The following ASTN1 variants were observed in gnomAD, a reference collection of about 807,000 sequenced individuals.
The protein encoded by ASTN1 is astrotactin-1.
A neutral mutation model predicts 140.7 loss-of-function variants in ASTN1; 41 were observed. The ratio of observed to expected loss-of-function variants is 0.29; its 90% CI spans 0.23 to 0.38. ASTN1 has a LOEUF of 0.38. ASTN1 is among the 10% of genes least tolerant of loss of function. ASTN1 has a pLI of 1.00. For synonymous variants in ASTN1, 640 were observed against 652.2 expected (o/e 0.98, Z 0.29); for missense variants, 1,479 against 1,678.8 (o/e 0.88, Z 2.08).
At chr1:177,162,615 G>C (rs1647446369) in intron 1 of ASTN1, among the ~76,000 whole-genome samples, 1 of 152,136 alleles carries the variant, frequency 6.6e-6, no homozygotes, top group South Asian at 2.1e-4. Flanking sequence ...ATGAAATGTT[G>C]AATACCTGCT....
At position 177,077,387 on chromosome 1, in the gene ASTN1, G is replaced by A. The variant is rs550694403; in HGVS notation, c.284-16122C>T. Reference sequence around the variant, plus strand: ...AGGTATAGAAGGAGTATAATTTGCCGGTATAATTTTGGAGTCAGACAAACC... The same window carrying A: ...AGGTATAGAAGGAGTATAATTTGCCAGTATAATTTTGGAGTCAGACAAACC... On this transcript the variant is annotated intron_variant, in intron 1 of 22. Coordinates refer to ENST00000361833, the MANE Select transcript of ASTN1 (RefSeq NM_004319.3). 3.3e-5 allele frequency among the ~76,000 whole-genome samples: 5 copies of A among 152,072 alleles called. No homozygotes were observed. The East Asian group carries it at 5.8e-4, about 18-fold the overall frequency.
Position 176,894,683 on chromosome 1 carries a change from G to C in ASTN1, c.2819C>G (p.Pro940Arg). 6.2e-7 allele frequency: 1 copy of C among 1,614,110 alleles called. No individual in the cohort carries two copies. Among genetic ancestry groups the C allele is most frequent in the Non-Finnish European group, 8.5e-7 (1 of 1,180,024 alleles). ...CACATGACACAGGGGGCAGGACGAG[G>C]GGCATCGTCCCTTGCTGTGGCACTC... The part of the protein sequence containing the change: ...RMECHSKGRC[P>R]SSCPLCHVTS... Residue 940 changes from proline (P) to arginine (R), a missense_variant, in exon 17 of 23, where the codon CCC (proline) becomes CGC (arginine). Pro to Arg is a moderately radical substitution (Grantham distance 103). Coordinates refer to ENST00000361833, the MANE Select transcript of ASTN1 (RefSeq NM_004319.3).
intron 8 of ASTN1, among the ~76,000 whole-genome samples, chr1:176,971,532 A>G (rs926153108): frequency 2.0e-5 from 3 of 152,164 alleles, no homozygotes; most frequent in Non-Finnish European, 4.4e-5. Flanking sequence ...CTGTCCCTCA[A>G]CTGCTATTTA....
At chr1:177,072,827 G>A (rs1363051862) in intron 1 of ASTN1, among the ~76,000 whole-genome samples, 1 of 152,158 alleles carries the variant, frequency 6.6e-6, no homozygotes, top group Non-Finnish European at 1.5e-5. Flanking sequence ...ACCTACGTGT[G>A]CTGGTCACTG....
chr1:176,988,330 A>C (rs1674003330), intron 8 of ASTN1, among the ~76,000 whole-genome samples: 1 of 151,830 alleles, frequency 6.6e-6, no homozygotes, highest in Non-Finnish European at 1.5e-5. Context: ...AAAAAAAAAA[A>C]AAACCTTTCC....
chr1:176,874,144 G>A (rs1571439754), intron 21 of ASTN1, among the ~76,000 whole-genome samples: 1 of 152,158 alleles, frequency 6.6e-6, no homozygotes, highest in South Asian at 2.1e-4. Flanking sequence ...AATAGCAGAG[G>A]CACCTTCTCG....
At chr1:177,040,645 T>C (rs1676928280) in intron 2 of ASTN1, among the ~76,000 whole-genome samples, 1 of 152,262 alleles carries the variant, frequency 6.6e-6, no homozygotes, top group Admixed American at 6.5e-5. Flanking sequence ...AGAGGCTATG[T>C]TCTTCTCAGG....
At chr1:177,069,163 T>C (rs1396304295) in intron 1 of ASTN1, among the ~76,000 whole-genome samples, 1 of 152,102 alleles carries the variant, frequency 6.6e-6, no homozygotes, top group Non-Finnish European at 1.5e-5. Flanking sequence ...GAGAGTGACC[T>C]ATTGAAACTC....
At chr1:177,017,783 GCT>G (rs1675632359) in intron 7 of ASTN1, among the ~76,000 whole-genome samples, 1 of 152,206 alleles carries the variant, frequency 6.6e-6, no homozygotes, top group Non-Finnish European at 1.5e-5. Context: ...TCTGGAGACA[GCT>G]GCACTTGATC....
intron 8 of ASTN1, among the ~76,000 whole-genome samples, chr1:176,975,516 C>T (rs1673326928): frequency 6.6e-6 from 1 of 152,248 alleles, no homozygotes; most frequent in Non-Finnish European, 1.5e-5. Flanking sequence ...TTAGCTTGTC[C>T]ATCACTGGCC....
chr1:176,868,512 T>C (rs1041545904), intron 22 of ASTN1, among the ~76,000 whole-genome samples: 1 of 152,224 alleles, frequency 6.6e-6, no homozygotes, highest in Non-Finnish European at 1.5e-5. Flanking sequence ...TTAATAAAAT[T>C]CCAAATTTCC....
At chr1:177,094,475 A>G (rs1479679763) in intron 1 of ASTN1, among the ~76,000 whole-genome samples, 1 of 152,200 alleles carries the variant, frequency 6.6e-6, no homozygotes, top group Non-Finnish European at 1.5e-5. Flanking sequence ...AGAGGCTCCA[A>G]AGAGCTGCCT....
In ASTN1 at chr1:176,862,464, T is replaced by A. The variant is rs986308215; in HGVS notation, c.*1820A>T. 6.1e-6 allele frequency: 6 copies of A among 985,406 alleles called. No homozygotes were observed. Among genetic ancestry groups the A allele is most frequent in the Admixed American group, 6.1e-5 (1 of 16,282 alleles). The allele number at this position is 985,406 out of a possible 1,614,324, so 61.0% of individuals were successfully genotyped here. On this transcript the variant is annotated 3_prime_UTR_variant, in exon 23 of 23. Transcript: ENST00000361833. ...CTCCTTCCACTGCACAGAGGACATG[T>A]CCATGCCACAGATGCTTGGGAAAGG...
chr1:176,892,633 T>C (rs1669314423), intron 17 of ASTN1, among the ~76,000 whole-genome samples: 1 of 152,192 alleles, frequency 6.6e-6, no homozygotes, highest in Non-Finnish European at 1.5e-5. Flanking sequence ...ATTCACAGAT[T>C]AGACTGAAAT....
At chr1:176,961,370 G>A (rs897235679) in intron 9 of ASTN1, among the ~76,000 whole-genome samples, 5 of 152,194 alleles carry the variant, frequency 3.3e-5, no homozygotes, top group African/African-American at 1.2e-4. Flanking sequence ...AAGAAAAGCA[G>A]CCTCTGGTAA....
At chr1:177,053,067 C>T (rs1304534067) in intron 2 of ASTN1, among the ~76,000 whole-genome samples, 1 of 152,198 alleles carries the variant, frequency 6.6e-6, no homozygotes, top group Non-Finnish European at 1.5e-5. Context: ...TGATCCCATA[C>T]AGTGCTGGAG....
At chr1:176,904,157 C>A (rs1669885229) in intron 16 of ASTN1, among the ~76,000 whole-genome samples, 1 of 152,190 alleles carries the variant, frequency 6.6e-6, no homozygotes, top group African/African-American at 2.4e-5. Flanking sequence ...TGTCCATAGC[C>A]TTTAACATTG....
intron 16 of ASTN1, among the ~76,000 whole-genome samples, chr1:176,910,491 T>C (rs1015760142): frequency 6.6e-6 from 1 of 152,240 alleles, no homozygotes; most frequent in Non-Finnish European, 1.5e-5. Context: ...ATATGAATTA[T>C]GTGTAATCTC....
intron 20 of ASTN1, among the ~76,000 whole-genome samples, chr1:176,882,179 G>A (rs866571184): frequency 6.6e-6 from 1 of 152,176 alleles, no homozygotes; most frequent in Admixed American, 6.5e-5. Flanking sequence ...GATATAGTTC[G>A]CTGCATTTCT....
Sources: gnomAD v4.1 joint callset for allele counts (sites outside exome capture counted in the v4.1 genomes callset) on GRCh38, gnomAD v4.1.1 for gene constraint, MANE v1.5 for transcripts, NCBI Gene and HGNC (gene_info 2026-07-23, HGNC 2026-07-21) for gene names.